PLCL1: variants seen among roughly 807,000 people sequenced by gnomAD.
PLCL1 encodes inactive phospholipase C-like protein 1.
In PLCL1, 41 loss-of-function variants were observed where a neutral mutation model predicts 84.4. The observed-to-expected ratio is 0.49, with a 90% CI of 0.38 to 0.63. The LOEUF is 0.63. Among genes scored for constraint, PLCL1 ranks in the 30% least tolerant of loss-of-function variants. The pLI is 0.00. For missense variants in PLCL1, 1,206 were observed against 1,367.8 expected (o/e 0.88, Z 1.87); for synonymous variants, 490 against 488.3 (o/e 1.00, Z -0.05).
At chr2:197,998,175 ATGTGTGTGTGTGTGTGTG>A (rs58332002) in intron 1 of PLCL1, among the ~76,000 whole-genome samples, 35 of 131,970 alleles carry the variant, frequency 2.7e-4, no homozygotes, top group African/African-American at 8.1e-4. Context: ...GAATGGAGCT[ATGTGTGTGTGTGTGTGTG>A]TGTGTGTGTG....
chr2:198,077,838 T>C (rs1692616525), intron 1 of PLCL1, among the ~76,000 whole-genome samples: 1 of 152,154 alleles, frequency 6.6e-6, no homozygotes, highest in South Asian at 2.1e-4. Context: ...TTTAGTAATA[T>C]TTCCACTCAC....
chr2:198,002,456 AT>A (rs1047078033), intron 1 of PLCL1, among the ~76,000 whole-genome samples: 3 of 152,202 alleles, frequency 2.0e-5, no homozygotes, highest in Non-Finnish European at 4.4e-5. Context: ...CAAATATAAT[AT>A]TTTTTAACAT....
chr2:197,961,913 G>T (rs1689631853), intron 1 of PLCL1, among the ~76,000 whole-genome samples: 2 of 152,024 alleles, frequency 1.3e-5, no homozygotes, highest in Non-Finnish European at 2.9e-5. Flanking sequence ...TGGACTGGGA[G>T]GAAGGCTGTA....
intron 1 of PLCL1, among the ~76,000 whole-genome samples, chr2:197,990,039 T>C (rs772803553): frequency 1.7e-4 from 26 of 152,226 alleles, no homozygotes; most frequent in South Asian, 6.2e-4. Context: ...TTTCAGTTCC[T>C]GTATAGGCCT....
intron 1 of PLCL1, among the ~76,000 whole-genome samples, chr2:198,060,223 G>A (rs1471250405): frequency 1.3e-5 from 2 of 152,196 alleles, no homozygotes; most frequent in Admixed American, 6.5e-5. Context: ...TTCATTTCCT[G>A]CCATCTTCAC....
At chr2:198,140,740 C>T (rs1051213764) in intron 5 of PLCL1, among the ~76,000 whole-genome samples, 16 of 152,078 alleles carry the variant, frequency 1.1e-4, no homozygotes, top group Admixed American at 5.2e-4. Flanking sequence ...GACCCTTTGG[C>T]ATTAAATTAT....
chr2:198,093,342 A>G (rs1174872275), intron 3 of PLCL1, among the ~76,000 whole-genome samples: 3 of 152,200 alleles, frequency 2.0e-5, no homozygotes, highest in African/African-American at 4.8e-5. Flanking sequence ...TAGTAAATAT[A>G]CCACACTAAT....
At chr2:197,818,260 G>C (rs1690733170) in intron 1 of PLCL1, among the ~76,000 whole-genome samples, 1 of 152,058 alleles carries the variant, frequency 6.6e-6, no homozygotes, top group South Asian at 2.1e-4. Flanking sequence ...TTTAAAAAAG[G>C]CTCTAAATAT....
intron 1 of PLCL1, among the ~76,000 whole-genome samples, chr2:197,840,399 A>G (rs769461207): frequency 1.2e-4 from 19 of 152,116 alleles, no homozygotes; most frequent in Non-Finnish European, 4.4e-5. Flanking sequence ...TCAGTTTTAG[A>G]AATCTGCCTA....
chr2:197,978,935 C>T (rs61184128), intron 1 of PLCL1, among the ~76,000 whole-genome samples: 27,479 of 152,200 alleles, frequency 0.18, 2,580 homozygotes, highest in Middle Eastern at 0.26. Context: ...ACAATGGCCT[C>T]GTCTGGGAAT....
rs1276764244 is a variant in PLCL1 at position 198,072,100 on chromosome 2, A to G, written c.241-11658A>G. On this transcript the variant is annotated intron_variant, in intron 1 of 5. Transcript: ENST00000428675. The stretch of plus-strand genomic sequence containing the variant: ...GAAGAATTTGAATTTTGCCAGTAGT[A>G]TGTTTTTGGTAATTTTTAACATTTT... Among the ~76,000 whole-genome samples the G allele has an allele frequency of 2.0e-5, 3 of 151,790 alleles. No individual in the cohort carries two copies. In the East Asian group the frequency reaches 5.8e-4, roughly 29 times the overall value.
intron 1 of PLCL1, among the ~76,000 whole-genome samples, chr2:197,922,354 C>T (rs1688718779): frequency 2.1e-5 from 2 of 96,002 alleles, no homozygotes; most frequent in East Asian, 6.7e-4. Context: ...AACAGGATCC[C>T]AAGGCAGAAG....
chr2:198,021,963 A>T (rs1647800609), intron 1 of PLCL1, among the ~76,000 whole-genome samples: 2 of 152,228 alleles, frequency 1.3e-5, no homozygotes, highest in South Asian at 4.1e-4. Context: ...GTTCCTGATG[A>T]TCATCAATGT....
At chr2:198,117,870 A>G (rs1414920656) in intron 5 of PLCL1, among the ~76,000 whole-genome samples, 1 of 151,902 alleles carries the variant, frequency 6.6e-6, no homozygotes, top group African/African-American at 2.4e-5. Flanking sequence ...AGAGGGAAAA[A>G]GCCAGCAACT....
intron 1 of PLCL1, among the ~76,000 whole-genome samples, chr2:198,038,841 G>T (rs1691599174): frequency 9.5e-6 from 1 of 105,688 alleles, no homozygotes; most frequent in Admixed American, 1.0e-4. Context: ...TTTCATTAAA[G>T]GTCAAAAAAA....
intron 5 of PLCL1, among the ~76,000 whole-genome samples, chr2:198,133,168 C>T (rs528914194): frequency 1.5e-3 from 223 of 151,932 alleles, no homozygotes; most frequent in Non-Finnish European, 2.4e-3. Context: ...AAATGTGGCA[C>T]ATATACACCA....
intron 1 of PLCL1, 45 bp from the exon 2 acceptor site, chr2:198,083,713 G>A: frequency 7.4e-7 from 1 of 1,348,272 alleles, no homozygotes. Context: ...GAATTTGTCT[G>A]TTTTCTAAAG....
chr2:197,899,166 C>T (rs1445990648), intron 1 of PLCL1, among the ~76,000 whole-genome samples: 1 of 152,146 alleles, frequency 6.6e-6, no homozygotes, highest in South Asian at 2.1e-4. Flanking sequence ...AGAATGAGAG[C>T]ACATAAATAA....
At chr2:197,933,422 C>A (rs1245360897) in intron 1 of PLCL1, among the ~76,000 whole-genome samples, 2 of 151,950 alleles carry the variant, frequency 1.3e-5, no homozygotes, top group African/African-American at 4.8e-5. Flanking sequence ...TGCCACGACG[C>A]CCAGCTAATT....
Sources: allele counts gnomAD v4.1 joint callset (sites outside exome capture counted in the v4.1 genomes callset), GRCh38; gene constraint gnomAD v4.1.1; transcripts MANE v1.5; gene names NCBI Gene and HGNC (gene_info 2026-07-23, HGNC 2026-07-21).